The following PPFIBP2 variants were observed in gnomAD, a reference collection of about 807,000 sequenced individuals.
PPFIBP2 encodes the protein liprin-beta-2.
PPFIBP2 carries 118 observed loss-of-function variants against 118.3 expected under a neutral mutation model. The observed-to-expected ratio is 1.00, with a 90% CI of 0.86 to 1.16. The LOEUF (loss-of-function observed/expected upper bound fraction) is 1.16, where lower values mean the gene tolerates loss of function less well. PPFIBP2 is among the 50% of genes most tolerant of loss of function. The pLI, the probability that PPFIBP2 is intolerant of heterozygous loss-of-function variation, is 0.00. For synonymous variants in PPFIBP2, 414 were observed against 397.4 expected, an observed-to-expected ratio of 1.04 and a Z score of -0.50; for missense variants, 1,195 against 1,073.1, an observed-to-expected ratio of 1.11 and a Z score of -1.59.
chr11:7,574,566 T>C (rs7935120), intron 3 of PPFIBP2, among the ~76,000 whole-genome samples: 40,937 of 152,172 alleles, frequency 0.27, 5,697 homozygotes, highest in Middle Eastern at 0.32. Context: ...GACGAACATA[T>C]TTAGGGGCTC....
chr11:7,589,362 G>C (rs1858805357), intron 3 of PPFIBP2, among the ~76,000 whole-genome samples: 1 of 152,152 alleles, frequency 6.6e-6, no homozygotes, highest in African/African-American at 2.4e-5. Flanking sequence ...GGGAGGCCAA[G>C]GTGGGCAGAT....
Position 7,618,203 on chromosome 11 carries a change from A to T in PPFIBP2, c.619-2732A>T, listed in dbSNP as rs574571602. ...CTGCTGCATTAAAGGACAGCGGGGA[A>T]ATAGGAAAGTCAAGATGTAAATGTA... On this transcript the variant is annotated intron_variant, in intron 6 of 23. Transcript: ENST00000299492. Among the ~76,000 whole-genome samples the T allele has an allele frequency of 4.6e-5, 7 of 152,330 alleles. No individual in the cohort carries two copies. In the East Asian group the frequency reaches 5.8e-4, roughly 13 times the overall value.
chr11:7,619,569 G>T (rs1849094881), intron 6 of PPFIBP2, among the ~76,000 whole-genome samples: 1 of 152,240 alleles, frequency 6.6e-6, no homozygotes, highest in South Asian at 2.1e-4. Context: ...TTTGAGAGGA[G>T]CAAGACAACA....
At chr11:7,594,904 G>C (rs186595735) in intron 4 of PPFIBP2, among the ~76,000 whole-genome samples, 2 of 126,212 alleles carry the variant, frequency 1.6e-5, no homozygotes, top group Non-Finnish European at 3.1e-5. Context: ...GCAACAGAGC[G>C]AGACTCCATC....
intron 5 of PPFIBP2, among the ~76,000 whole-genome samples, chr11:7,606,886 ATTTTTTTTTTTTTTTTTTTTTTTTTTT>A (rs529585905): frequency 5.8e-5 from 3 of 51,352 alleles, no homozygotes; most frequent in South Asian, 7.2e-4. Context: ...AACTGCATGA[ATTTTTTTTTTTTTTTTTTTTTTTTTTT>A]TTTTTTTTTT....
intron 12 of PPFIBP2, among the ~76,000 whole-genome samples, chr11:7,633,398 C>T (rs1040302488): frequency 2.0e-5 from 3 of 152,212 alleles, no homozygotes; most frequent in African/African-American, 7.2e-5. Flanking sequence ...TAATAATGGG[C>T]TCGCCTCTGA....
intron 1 of PPFIBP2, among the ~76,000 whole-genome samples, chr11:7,520,506 AT>A (rs777224340): frequency 2.8e-3 from 404 of 142,768 alleles, no homozygotes; most frequent in East Asian, 4.2e-3. Flanking sequence ...TGGCCATAAG[AT>A]TTTTTTTTTT....
chr11:7,593,658 C>G (rs902260469), intron 4 of PPFIBP2, among the ~76,000 whole-genome samples: 1 of 152,206 alleles, frequency 6.6e-6, no homozygotes, highest in Non-Finnish European at 1.5e-5. Flanking sequence ...TCCAAATTGT[C>G]TGAAGCTGGA....
intron 1 of PPFIBP2, among the ~76,000 whole-genome samples, chr11:7,547,315 C>T (rs772371787): frequency 1.1e-4 from 16 of 151,820 alleles, no homozygotes; most frequent in Non-Finnish European, 2.1e-4. Context: ...TTGGAGGGCT[C>T]GGGAGCAGAC....
rs187579021 is a variant in PPFIBP2 at position 7,544,666 on chromosome 11, C to A, written c.-36-4774C>A. Among the ~76,000 whole-genome samples the A allele has an allele frequency of 2.5e-3, 373 of 149,800 alleles. 3 individuals carry two copies. Among genetic ancestry groups the A allele is most frequent in the Admixed American group, 4.8e-3 (72 of 14,900 alleles). The stretch of plus-strand genomic sequence containing the variant: ...GCGGGCACCTGTAGTCCTAGCTACT[C>A]GGGAGGCTGAGTGAGGAGAATGGCA... On this transcript the variant is annotated intron_variant, in intron 1 of 23. Coordinates refer to ENST00000299492, the MANE Select transcript of PPFIBP2 (RefSeq NM_003621.5).
chr11:7,629,198 C>T (rs1312747892), intron 9 of PPFIBP2, among the ~76,000 whole-genome samples: 1 of 152,152 alleles, frequency 6.6e-6, no homozygotes, highest in African/African-American at 2.4e-5. Flanking sequence ...CAGTGAGTTT[C>T]GTGCTTCTGA....
At position 7,568,746 on chromosome 11, in the gene PPFIBP2, T is replaced by G. The variant is rs543669651; in HGVS notation, c.279+2979T>G. ...TTGGCTGACAAATTCTTTCCATGTTTTCTCAATATGTTTTCTTTTTAAACT... is the reference window on the plus strand; with the variant it reads ...TTGGCTGACAAATTCTTTCCATGTTGTCTCAATATGTTTTCTTTTTAAACT... On this transcript the variant is annotated intron_variant, in intron 3 of 23. Coordinates refer to ENST00000299492, the MANE Select transcript of PPFIBP2 (RefSeq NM_003621.5). 4 of 152,356 alleles carry G rather than the reference T, an allele frequency of 2.6e-5. No homozygotes were observed. In the South Asian group the frequency reaches 8.3e-4, roughly 32 times the overall value. The allele number at this position is 152,356 out of a possible 1,614,324, so 9.4% of individuals were successfully genotyped here.
rs112054300 is a variant in PPFIBP2 at position 7,625,523 on chromosome 11, C to T, written c.712-254C>T. Among the ~76,000 whole-genome samples the T allele has an allele frequency of 4.8e-3, 729 of 152,294 alleles. 7 individuals carry two copies. The highest frequency in any genetic ancestry group is 0.016 in the African/African-American group (674 of 41,556). Reference sequence around the variant, plus strand: ...CACAGTGCAGGGGAGAGAAACTGGTCAGGTAGGAAGATGCAGGGGAAGAAG... The same window carrying T: ...CACAGTGCAGGGGAGAGAAACTGGTTAGGTAGGAAGATGCAGGGGAAGAAG... On this transcript the variant is annotated intron_variant, in intron 7 of 23. Coordinates refer to ENST00000299492, the MANE Select transcript of PPFIBP2 (RefSeq NM_003621.5).
At chr11:7,641,676 G>A (rs1041924886) in intron 16 of PPFIBP2, 56 bp downstream of exon 16, 2 of 1,554,486 alleles carry the variant, frequency 1.3e-6, no homozygotes, top group Non-Finnish European at 1.8e-6. Flanking sequence ...TTTTTGATTG[G>A]GCAAAGAGTC....
intron 2 of PPFIBP2, among the ~76,000 whole-genome samples, chr11:7,561,181 C>T (rs540703406): frequency 1.3e-5 from 2 of 152,296 alleles, no homozygotes; most frequent in East Asian, 3.9e-4. Flanking sequence ...GATTTTTCTG[C>T]CTCAGCCTTA....
intron 3 of PPFIBP2, among the ~76,000 whole-genome samples, chr11:7,584,963 T>C (rs1435372681): frequency 6.6e-6 from 1 of 152,220 alleles, no homozygotes; most frequent in Admixed American, 6.5e-5. Flanking sequence ...ACATTTTCTT[T>C]TGTTTTCTTA....
chr11:7,516,471 T>C (rs562011796), intron 1 of PPFIBP2, among the ~76,000 whole-genome samples: 5 of 152,258 alleles, frequency 3.3e-5, no homozygotes, highest in African/African-American at 1.2e-4. Context: ...GTATGGCCTT[T>C]AGACTGTAAT....
intron 5 of PPFIBP2, chr11:7,598,311 C>A: frequency 3.4e-6 from 1 of 290,032 alleles, no homozygotes; most frequent in Non-Finnish European, 6.8e-6. Flanking sequence ...AAAATTTTTG[C>A]TGTATTGTCA....
rs983062656 is a variant in PPFIBP2, at chr11:7,635,427, A to G, written c.1195-125A>G. 1.2e-5 allele frequency: 10 copies of G among 861,998 alleles called. No individual in the cohort carries two copies. The African/African-American group carries it at 1.5e-4, about 13-fold the overall frequency. The allele number at this position is 861,998 out of a possible 1,614,324, so 53.4% of individuals were successfully genotyped here. A position where few individuals can be genotyped will look rare whatever the true frequency, so the allele number is the denominator to read the frequency against. On this transcript the variant is annotated intron_variant, in intron 13 of 23. Transcript: ENST00000299492. ...CCTGGATGGTGATTACTTGACATGA[A>G]GATGTGGAGGGAGGGGATGCGCCTT...
Sources: allele counts gnomAD v4.1 joint callset (sites outside exome capture counted in the v4.1 genomes callset), GRCh38; gene constraint gnomAD v4.1.1; transcripts MANE v1.5; gene names NCBI Gene and HGNC (gene_info 2026-07-23, HGNC 2026-07-21).